PRKAR2B: variants seen among roughly 807,000 people sequenced by gnomAD.
The protein encoded by PRKAR2B is cAMP-dependent protein kinase type II-beta regulatory subunit.
PRKAR2B carries 14 observed loss-of-function variants against 49.9 expected under a neutral mutation model. The ratio of observed to expected loss-of-function variants is 0.28; its 90% CI spans 0.19 to 0.44. The LOEUF (loss-of-function observed/expected upper bound fraction) is 0.44. Ranked by LOEUF, PRKAR2B falls within the 20% of genes least tolerant of loss-of-function variation. The pLI is 1.00. For missense variants in PRKAR2B, 393 were observed against 537.9 expected (o/e 0.73, Z 2.67); for synonymous variants, 196 against 197.7 (o/e 0.99, Z 0.07).
rs1379751803 is a variant in PRKAR2B, at chr7:107,121,932, G to A, written c.344-20G>A. 4 of 1,515,218 alleles carry A rather than the reference G, an allele frequency of 2.6e-6. No individual in the cohort carries two copies. The highest frequency in any genetic ancestry group is 3.6e-5 in the Admixed American group (2 of 56,174). 93.9% of individuals were successfully genotyped at this position (1,515,218 alleles called of 1,614,324 possible). ...TTTTTGATGAAACAATCTTTAAGAT[G>A]TTCATTTTTGTTTTTATAGTATGTG... On this transcript the variant is annotated intron_variant, in intron 2 of 10. Transcript: ENST00000265717.
intron 2 of PRKAR2B, among the ~76,000 whole-genome samples, chr7:107,101,875 C>CT (rs10589473): frequency 0.018 from 1,711 of 94,098 alleles, 52 homozygotes; most frequent in African/African-American, 0.062. Context: ...AGCCCTGATC[C>CT]TTTTTTTTTT....
chr7:107,082,830 C>CA (rs1370425886), intron 2 of PRKAR2B, among the ~76,000 whole-genome samples: 1 of 152,064 alleles, frequency 6.6e-6, no homozygotes, highest in Non-Finnish European at 1.5e-5. Flanking sequence ...CTCCTGAGCT[C>CA]AAAGAATCCA....
At chr7:107,051,085 A>G (rs1270596644) in intron 1 of PRKAR2B, among the ~76,000 whole-genome samples, 1 of 152,222 alleles carries the variant, frequency 6.6e-6, no homozygotes, top group African/African-American at 2.4e-5. Flanking sequence ...GGTGAGAGAC[A>G]GAGAAGTTCC....
chr7:107,144,244 C>T (rs1163129927), intron 5 of PRKAR2B, among the ~76,000 whole-genome samples: 3 of 151,822 alleles, frequency 2.0e-5, no homozygotes, highest in Non-Finnish European at 2.9e-5. Context: ...TGCCACCACG[C>T]CTGGCTAATT....
At chr7:107,116,297 T>G (rs1795271475) in intron 2 of PRKAR2B, among the ~76,000 whole-genome samples, 1 of 152,210 alleles carries the variant, frequency 6.6e-6, no homozygotes, top group Non-Finnish European at 1.5e-5. Context: ...GAACCTCCTT[T>G]GCTGTGAAGC....
intron 2 of PRKAR2B, chr7:107,081,970 A>G (rs1209914872): frequency 6.6e-6 from 1 of 152,236 alleles, no homozygotes; most frequent in Non-Finnish European, 1.5e-5. Context: ...ACTTTAATAT[A>G]TGCATTGCCT....
At position 107,150,927 on chromosome 7, in the gene PRKAR2B, G is replaced by A; in HGVS notation, c.747G>A (p.Arg249=). 1 of 1,584,470 alleles carries A rather than the reference G, an allele frequency of 6.3e-7. No homozygotes were observed. The highest frequency in any genetic ancestry group is 8.6e-7 in the Non-Finnish European group (1 of 1,162,968). The part of the protein sequence containing the change: ...TSPGALWGLD[R]VTFRRIIVKN... ...TTTAACTGTTCTGCCTGTAGGACAG[G>A]GTAACCTTCAGGAGAATAATTGTGA... The change falls in exon 7 of 11, where the codon AGG becomes AGA. Residue 249 remains arginine (R), a synonymous_variant. Transcript: ENST00000265717.
chr7:107,075,886 TA>T (rs893005094), intron 2 of PRKAR2B, among the ~76,000 whole-genome samples: 34 of 152,298 alleles, frequency 2.2e-4, no homozygotes, highest in African/African-American at 7.9e-4. Flanking sequence ...GTTTATACAT[TA>T]TAGGTTTTCT....
intron 8 of PRKAR2B, among the ~76,000 whole-genome samples, chr7:107,156,540 T>G (rs1352435563): frequency 6.6e-6 from 1 of 152,012 alleles, no homozygotes; most frequent in Non-Finnish European, 1.5e-5. Flanking sequence ...GCTCGGTGGC[T>G]CACGCCTGTA....
At chr7:107,094,048 A>G (rs952088395) in intron 2 of PRKAR2B, among the ~76,000 whole-genome samples, 1 of 152,180 alleles carries the variant, frequency 6.6e-6, no homozygotes, top group Non-Finnish European at 1.5e-5. Flanking sequence ...GGCTGGGTCA[A>G]ATGGTATTTC....
chr7:107,157,195 G>C lies in PRKAR2B; in HGVS notation c.994G>C (p.Glu332Gln). ...TTAATTGCCTTGTCAGGGTAAATCA[G>C]AAGTGGAAGAGAATGGTGCAGTAGA... is the stretch of plus-strand genomic sequence containing the variant. ...KITMKRKGKS[E>Q]VEENGAVEIA... The change falls in exon 10 of 11, where the codon GAA (glutamate) becomes CAA (glutamine). Residue 332 changes from glutamate to glutamine, a missense_variant. Around this residue, in one of 2 missense-constraint regions of PRKAR2B, gnomAD observed 233 missense variants for 390.4 expected, o/e 0.60. Transcript: ENST00000265717. 3 of 1,612,634 alleles carry C rather than the reference G, an allele frequency of 1.9e-6. No homozygotes were observed. Among genetic ancestry groups the C allele is most frequent in the Non-Finnish European group, 2.5e-6 (3 of 1,179,232 alleles).
chr7:107,097,118 T>A (rs1319446736), intron 2 of PRKAR2B, among the ~76,000 whole-genome samples: 1 of 152,168 alleles, frequency 6.6e-6, no homozygotes, highest in Non-Finnish European at 1.5e-5. Flanking sequence ...GGTGTTAAAG[T>A]CTCCCATTAT....
chr7:107,154,552 C>T (rs1374591142), intron 8 of PRKAR2B, among the ~76,000 whole-genome samples: 2 of 152,134 alleles, frequency 1.3e-5, no homozygotes, highest in Non-Finnish European at 2.9e-5. Context: ...TAAGGATATT[C>T]TTACATATTT....
Position 107,150,963 on chromosome 7 carries a change from CA to C in PRKAR2B, c.788del (p.Lys263ArgfsTer24). 6.3e-7 allele frequency: 1 copy of C among 1,599,742 alleles called. No individual in the cohort carries two copies. The highest frequency in any genetic ancestry group is 8.5e-7 in the Non-Finnish European group (1 of 1,174,392). On this transcript the variant is annotated frameshift_variant, in exon 7 of 11. Coordinates refer to ENST00000265717, the MANE Select transcript of PRKAR2B (RefSeq NM_002736.3). LOFTEE classifies it high-confidence loss of function. ...GGAGAATAATTGTGAAAAACAATGC[CA>C]AAAAGAGAAAAATGTATGAAAGCTT... is the stretch of plus-strand genomic sequence containing the variant. The part of the protein sequence containing the change: ...FRRIIVKNNA[K>X]KRKMYESFIE...
chr7:107,149,727 A>G (rs1795949453), intron 6 of PRKAR2B, among the ~76,000 whole-genome samples: 1 of 152,114 alleles, frequency 6.6e-6, no homozygotes, highest in Non-Finnish European at 1.5e-5. Flanking sequence ...ATTTTTCTCC[A>G]TTGCACTAGT....
chr7:107,060,979 A>G (rs762149215), intron 1 of PRKAR2B, among the ~76,000 whole-genome samples: 1 of 152,078 alleles, frequency 6.6e-6, no homozygotes, highest in Non-Finnish European at 1.5e-5. Flanking sequence ...AGTATGCATC[A>G]TGTATTGACT....
intron 2 of PRKAR2B, among the ~76,000 whole-genome samples, chr7:107,114,213 C>T (rs937542634): frequency 2.6e-5 from 4 of 151,876 alleles, no homozygotes; most frequent in African/African-American, 9.7e-5. Flanking sequence ...AAATTATTTA[C>T]AAAACGTATG....
chr7:107,069,666 G>C (rs1034025693), intron 1 of PRKAR2B: 1 of 152,322 alleles, frequency 6.6e-6, no homozygotes, highest in Non-Finnish European at 1.5e-5. Flanking sequence ...GCGCACACCA[G>C]GATGAGATTG....
intron 2 of PRKAR2B, among the ~76,000 whole-genome samples, chr7:107,072,228 A>G (rs1211803830): frequency 6.6e-6 from 1 of 152,032 alleles, no homozygotes; most frequent in Non-Finnish European, 1.5e-5. Flanking sequence ...ACAACAGGAA[A>G]CAGTTTGGTA....
Sources: allele counts gnomAD v4.1 joint callset (sites outside exome capture counted in the v4.1 genomes callset), GRCh38; gene constraint gnomAD v4.1.1; regional missense constraint gnomAD v4.1.1; transcripts MANE v1.5; gene names NCBI Gene and HGNC (gene_info 2026-07-23, HGNC 2026-07-21).